Variants in KCNIP4 observed in about 807,000 individuals in gnomAD.
KCNIP4 encodes potassium voltage-gated channel interacting protein 4.
A neutral mutation model predicts 34.0 loss-of-function variants in KCNIP4; 12 were observed. The ratio of observed to expected loss-of-function variants is 0.35; its 90% CI spans 0.23 to 0.57. The LOEUF is 0.57. Among genes scored for constraint, KCNIP4 ranks in the 20% least tolerant of loss-of-function variants. The pLI is 0.83. For synonymous variants in KCNIP4, 124 were observed against 102.2 expected (o/e 1.21, Z -1.29); for missense variants, 238 against 311.7 (o/e 0.76, Z 1.78).
At chr4:21,476,203 T>A (rs13136234) in intron 1 of KCNIP4, among the ~76,000 whole-genome samples, 17,929 of 152,170 alleles carry the variant, frequency 0.12, 1,237 homozygotes, top group South Asian at 0.16. Flanking sequence ...AGAAAAGTAA[T>A]CTATACTTAT....
intron 1 of KCNIP4, among the ~76,000 whole-genome samples, chr4:21,555,298 G>A (rs1738920792): frequency 6.6e-6 from 1 of 152,090 alleles, no homozygotes; most frequent in Non-Finnish European, 1.5e-5. Flanking sequence ...TGAGTTCACT[G>A]AGCCATGCTG....
Position 20,829,301 on chromosome 4 carries a change from G to T in KCNIP4, c.288+21242C>A, listed in dbSNP as rs545896778. ...CAGCTCACTGAAATCTCTGCCACCCGGGTTCATGCCATTCTCTTGCCTCAG... is the reference window on the plus strand; with the variant it reads ...CAGCTCACTGAAATCTCTGCCACCCTGGTTCATGCCATTCTCTTGCCTCAG... On this transcript the variant is annotated intron_variant, in intron 3 of 8. Coordinates refer to ENST00000382152, the MANE Select transcript of KCNIP4 (RefSeq NM_025221.6). Among the ~76,000 whole-genome samples the T allele has an allele frequency of 2.6e-5, 4 of 152,152 alleles. No homozygotes were observed. The East Asian group carries it at 7.7e-4, about 29-fold the overall frequency.
At chr4:21,948,510 T>C in intron 1 of KCNIP4, 61 bp downstream of exon 1, 1 of 1,565,474 alleles carries the variant, frequency 6.4e-7, no homozygotes, top group Non-Finnish European at 8.7e-7. Flanking sequence ...GGCAGCCGTC[T>C]TGGCTCGCGA....
At chr4:20,984,897 C>T (rs1379504008) in intron 1 of KCNIP4, among the ~76,000 whole-genome samples, 1 of 151,772 alleles carries the variant, frequency 6.6e-6, no homozygotes, top group Non-Finnish European at 1.5e-5. Context: ...TCAGAGGAGC[C>T]TGGAGTGTGT....
chr4:21,532,779 C>A, intron 1 of KCNIP4, among the ~76,000 whole-genome samples: 1 of 151,980 alleles, frequency 6.6e-6, no homozygotes, highest in South Asian at 2.1e-4. Context: ...GTTAAGCCTG[C>A]TAACTGAAAC....
intron 1 of KCNIP4, among the ~76,000 whole-genome samples, chr4:21,716,330 G>A (rs138228781): frequency 3.3e-5 from 5 of 152,054 alleles, no homozygotes; most frequent in Admixed American, 6.5e-5. Context: ...TCTGCCTCCC[G>A]GGTTCAAGCG....
chr4:21,510,305 T>C (rs1489395901), intron 1 of KCNIP4, among the ~76,000 whole-genome samples: 2 of 152,148 alleles, frequency 1.3e-5, no homozygotes, highest in African/African-American at 4.8e-5. Context: ...AATAAGAAAG[T>C]ATGCACTTCA....
chr4:21,380,160 A>G (rs1721347851), intron 1 of KCNIP4, among the ~76,000 whole-genome samples: 1 of 152,144 alleles, frequency 6.6e-6, no homozygotes, highest in African/African-American at 2.4e-5. Flanking sequence ...TGTACATTGT[A>G]AAAACGCTAC....
chr4:21,833,214 AG>A, intron 1 of KCNIP4, among the ~76,000 whole-genome samples: 1 of 151,616 alleles, frequency 6.6e-6, no homozygotes, highest in Non-Finnish European at 1.5e-5. Flanking sequence ...CCAACAGTGT[AG>A]AAGTGTTCCT....
chr4:20,927,271 C>T (rs2149595183), intron 1 of KCNIP4, among the ~76,000 whole-genome samples: 1 of 152,278 alleles, frequency 6.6e-6, no homozygotes, highest in South Asian at 2.1e-4. Context: ...GCCACCGTGC[C>T]CTGCCCTTAT....
At chr4:21,893,083 A>G (rs916401229) in intron 1 of KCNIP4, among the ~76,000 whole-genome samples, 1 of 152,236 alleles carries the variant, frequency 6.6e-6, no homozygotes, top group African/African-American at 2.4e-5. Flanking sequence ...ATGCATTTAG[A>G]TAACAAATAT....
rs1325714751 is a variant in KCNIP4 at position 21,793,318 on chromosome 4, C to T, written c.61+155253G>A. Among the ~76,000 whole-genome samples the T allele has an allele frequency of 5.3e-5, 8 of 152,236 alleles. No individual in the cohort carries two copies. In the East Asian group the frequency reaches 9.7e-4, roughly 18 times the overall value. ...AGGCTGAAATGCAATAGCACCATCTCGGCTCACTGCAACCTTTCAACCTCC... is the reference window on the plus strand; with the variant it reads ...AGGCTGAAATGCAATAGCACCATCTTGGCTCACTGCAACCTTTCAACCTCC... On this transcript the variant is annotated intron_variant, in intron 1 of 8. Coordinates refer to ENST00000382152, the MANE Select transcript of KCNIP4 (RefSeq NM_025221.6).
At chr4:21,504,894 T>C (rs1733700843) in intron 1 of KCNIP4, among the ~76,000 whole-genome samples, 1 of 152,228 alleles carries the variant, frequency 6.6e-6, no homozygotes. Context: ...AACAGTTTGT[T>C]GTGAATTCAA....
intron 1 of KCNIP4, among the ~76,000 whole-genome samples, chr4:21,380,859 C>T (rs530995237): frequency 4.6e-5 from 7 of 151,886 alleles, no homozygotes; most frequent in South Asian, 2.1e-4. Flanking sequence ...CACACACACA[C>T]GAATTGGCTT....
intron 2 of KCNIP4, among the ~76,000 whole-genome samples, chr4:20,866,067 C>T (rs1722847118): frequency 1.3e-5 from 2 of 152,004 alleles, no homozygotes; most frequent in African/African-American, 4.8e-5. Flanking sequence ...TAGCTGAATT[C>T]TACCAGACAT....
Position 21,948,559 on chromosome 4 carries a change from A to T in KCNIP4, c.61+12T>A, listed in dbSNP as rs753509457. ...GAAGCGGGCGCCCGCTCGCAAGCTT[A>T]TTGCATCCTACCGCCTGTAGAGCTG... On this transcript the variant is annotated intron_variant, in intron 1 of 8. Coordinates refer to ENST00000382152, the MANE Select transcript of KCNIP4 (RefSeq NM_025221.6). 2 of 1,611,776 alleles carry T rather than the reference A, an allele frequency of 1.2e-6. No homozygotes were observed. The highest frequency in any genetic ancestry group is 2.2e-5 in the South Asian group (2 of 90,686).
chr4:21,002,236 C>T (rs1738198046), intron 1 of KCNIP4, among the ~76,000 whole-genome samples: 1 of 152,144 alleles, frequency 6.6e-6, no homozygotes, highest in South Asian at 2.1e-4. Context: ...AAATGATGAG[C>T]CCGGAGCCAA....
At chr4:21,056,907 G>A (rs1018758261) in intron 1 of KCNIP4, among the ~76,000 whole-genome samples, 143 of 152,106 alleles carry the variant, frequency 9.4e-4, no homozygotes, top group Non-Finnish European at 1.2e-4. Context: ...CTTATGAGAA[G>A]AGAACAGAGC....
chr4:21,909,812 G>A (rs11733033), intron 1 of KCNIP4, among the ~76,000 whole-genome samples: 64,049 of 151,788 alleles, frequency 0.42, 14,078 homozygotes, highest in Non-Finnish European at 0.48. Flanking sequence ...ACAGGCAAAG[G>A]GAGAATGAGA....
Sources: allele counts gnomAD v4.1 joint callset (sites outside exome capture counted in the v4.1 genomes callset), GRCh38; gene constraint gnomAD v4.1.1; transcripts MANE v1.5; gene names NCBI Gene and HGNC (gene_info 2026-07-23, HGNC 2026-07-21).